Variants in CSMD1 observed in about 807,000 individuals in gnomAD.
CSMD1 encodes CUB and Sushi multiple domains 1.
Under a neutral mutation model 417.5 loss-of-function variants are expected in CSMD1, and 213 were observed. The ratio of observed to expected loss-of-function variants is 0.51; its 90% CI spans 0.46 to 0.57. The LOEUF (loss-of-function observed/expected upper bound fraction) is 0.57, where lower values mean the gene tolerates loss of function less well. CSMD1 is among the 20% of genes least tolerant of loss of function. The pLI is 0.00. For missense variants in CSMD1, 6,923 were observed against 4,529.7 expected (o/e 1.53, Z -15.17); for synonymous variants, 2,862 against 1,736.8 (o/e 1.65, Z -16.11).
At chr8:3,474,091 G>C (rs560086036) in intron 11 of CSMD1, among the ~76,000 whole-genome samples, 75 of 152,256 alleles carry the variant, frequency 4.9e-4, no homozygotes, top group Non-Finnish European at 9.4e-4. Context: ...GATGAGATTT[G>C]AGTGGGGACA....
chr8:4,186,865 G>C (rs561923555), intron 3 of CSMD1, among the ~76,000 whole-genome samples: 2 of 151,714 alleles, frequency 1.3e-5, no homozygotes, highest in Non-Finnish European at 2.9e-5. Flanking sequence ...GCGTGGTGTT[G>C]AGTGCCTGTA....
intron 3 of CSMD1, among the ~76,000 whole-genome samples, chr8:4,250,508 G>A (rs1438933275): frequency 6.6e-6 from 1 of 152,092 alleles, no homozygotes; most frequent in Non-Finnish European, 1.5e-5. Flanking sequence ...ACTCTTGGTG[G>A]AATTATATGT....
At chr8:3,096,450 T>G (rs192057694) in intron 47 of CSMD1, among the ~76,000 whole-genome samples, 137 of 152,278 alleles carry the variant, frequency 9.0e-4, no homozygotes, top group African/African-American at 2.9e-3. Flanking sequence ...CTCTCTCATG[T>G]GCGTGCACCC....
At chr8:3,554,464 C>T (rs1370758782) in intron 10 of CSMD1, among the ~76,000 whole-genome samples, 1 of 152,078 alleles carries the variant, frequency 6.6e-6, no homozygotes, top group Non-Finnish European at 1.5e-5. Context: ...GTCACAGACA[C>T]CCCACATTGA....
intron 10 of CSMD1, among the ~76,000 whole-genome samples, chr8:3,539,099 C>G (rs1466974971): frequency 6.6e-6 from 1 of 152,204 alleles, no homozygotes; most frequent in Non-Finnish European, 1.5e-5. Flanking sequence ...GCCCCAGTCC[C>G]TTTCCCTGCA....
intron 37 of CSMD1, among the ~76,000 whole-genome samples, chr8:3,175,502 TGCCTG>T (rs775285775): frequency 0.077 from 9,749 of 125,798 alleles, 454 homozygotes; most frequent in East Asian, 0.24. Flanking sequence ...CCTGCCTGCC[TGCCTG>T]CCTTTTTTCC....
intron 41 of CSMD1, among the ~76,000 whole-genome samples, chr8:3,123,850 G>A (rs1051072081): frequency 6.6e-6 from 1 of 152,188 alleles, no homozygotes; most frequent in Non-Finnish European, 1.5e-5. Flanking sequence ...CAACACAGGA[G>A]TGTTAATAGT....
Position 4,842,549 on chromosome 8 carries a change from G to T in CSMD1, c.85+151783C>A, listed in dbSNP as rs889519862. 3.3e-5 allele frequency among the ~76,000 whole-genome samples: 5 copies of T among 152,268 alleles called. No homozygotes were observed. The East Asian group carries it at 5.8e-4, about 18-fold the overall frequency. On this transcript the variant is annotated intron_variant, in intron 1 of 69. Coordinates refer to ENST00000635120, the MANE Select transcript of CSMD1 (RefSeq NM_033225.6). ...TGTTCACTTACAGCGAGCACTAAGG[G>T]TCACAACGTAGGAGCCATATTGAGC...
At chr8:3,303,984 A>C (rs570884279) in intron 25 of CSMD1, among the ~76,000 whole-genome samples, 1 of 152,034 alleles carries the variant, frequency 6.6e-6, no homozygotes, top group East Asian at 2.0e-4. Flanking sequence ...CGATTACCTC[A>C]AACAAAGAGG....
At chr8:4,404,381 C>T (rs549983338) in intron 3 of CSMD1, among the ~76,000 whole-genome samples, 18 of 152,188 alleles carry the variant, frequency 1.2e-4, no homozygotes, top group Admixed American at 3.3e-4. Context: ...TTTTGTTCAA[C>T]GCTGTATATG....
At chr8:3,331,025 C>T (rs940459868) in intron 23 of CSMD1, among the ~76,000 whole-genome samples, 17 of 151,750 alleles carry the variant, frequency 1.1e-4, no homozygotes, top group Admixed American at 7.2e-4. Flanking sequence ...CCGAGGCGGG[C>T]GGATCACCAG....
intron 1 of CSMD1, among the ~76,000 whole-genome samples, chr8:4,699,308 G>C (rs1039255587): frequency 2.0e-5 from 3 of 152,154 alleles, no homozygotes; most frequent in Non-Finnish European, 2.9e-5. Flanking sequence ...TTCTAGCAGA[G>C]TGCTTTACTT....
chr8:3,302,830 G>C (rs1490507278), intron 25 of CSMD1, among the ~76,000 whole-genome samples: 1 of 152,188 alleles, frequency 6.6e-6, no homozygotes, highest in Non-Finnish European at 1.5e-5. Context: ...ATGGTTGGGA[G>C]CTGGTGTTAT....
intron 12 of CSMD1, among the ~76,000 whole-genome samples, chr8:3,429,043 G>T (rs1366546226): frequency 6.6e-6 from 1 of 152,144 alleles, no homozygotes; most frequent in Non-Finnish European, 1.5e-5. Flanking sequence ...GGGGAGGCAG[G>T]AGGACAGGAA....
At chr8:3,471,510 T>C (rs1407247204) in intron 11 of CSMD1, among the ~76,000 whole-genome samples, 1 of 151,336 alleles carries the variant, frequency 6.6e-6, no homozygotes, top group African/African-American at 2.4e-5. Flanking sequence ...CCTTCCTTCA[T>C]TCCTTCCTTC....
intron 3 of CSMD1, among the ~76,000 whole-genome samples, chr8:4,036,071 C>A (rs1797600534): frequency 6.6e-6 from 1 of 152,182 alleles, no homozygotes; most frequent in Non-Finnish European, 1.5e-5. Flanking sequence ...CTACAGTATT[C>A]AGTTCAGCCA....
chr8:4,259,378 G>C (rs2128839560), intron 3 of CSMD1, among the ~76,000 whole-genome samples: 1 of 152,208 alleles, frequency 6.6e-6, no homozygotes, highest in Admixed American at 6.5e-5. Context: ...AGAAAGGAGA[G>C]GACAGGAGGA....
At chr8:3,947,452 C>A (rs1044662593) in intron 5 of CSMD1, among the ~76,000 whole-genome samples, 1 of 152,008 alleles carries the variant, frequency 6.6e-6, no homozygotes, top group African/African-American at 2.4e-5. Context: ...AAGGTTTTTT[C>A]TGTTTTCGTT....
intron 1 of CSMD1, among the ~76,000 whole-genome samples, chr8:4,831,885 G>C (rs957492649): frequency 6.6e-6 from 1 of 151,876 alleles, no homozygotes; most frequent in African/African-American, 2.4e-5. Flanking sequence ...TGAGGATGAA[G>C]AGGAAGCAGC....
Sources: gnomAD v4.1 joint callset for allele counts (sites outside exome capture counted in the v4.1 genomes callset) on GRCh38, gnomAD v4.1.1 for gene constraint, MANE v1.5 for transcripts, NCBI Gene and HGNC (gene_info 2026-07-23, HGNC 2026-07-21) for gene names.